The following ADGRD1 variants were observed in gnomAD, a reference collection of about 807,000 sequenced individuals.
ADGRD1 encodes G-protein coupled receptor 133.
ADGRD1 carries 77 observed loss-of-function variants against 113.4 expected under a neutral mutation model. The ratio of observed to expected loss-of-function variants is 0.68; its 90% CI spans 0.57 to 0.82. The LOEUF (loss-of-function observed/expected upper bound fraction) is 0.82. Among genes scored for constraint, ADGRD1 ranks in the 40% least tolerant of loss-of-function variants. The probability of loss-of-function intolerance (pLI) is 0.00; values close to 1 mark genes in which losing one functional copy is unlikely to be tolerated. For synonymous variants in ADGRD1, 474 were observed against 475.0 expected, an observed-to-expected ratio of 1.00 and a Z score of 0.03; for missense variants, 1,036 against 1,139.1, an observed-to-expected ratio of 0.91 and a Z score of 1.30.
At position 131,004,181 on chromosome 12, in the gene ADGRD1, C is replaced by G. The variant is rs768437407; in HGVS notation, c.1145-5C>G. 1 of 1,594,918 alleles carries G rather than the reference C, an allele frequency of 6.3e-7. No homozygotes were observed. Among genetic ancestry groups the G allele is most frequent in the Non-Finnish European group, 8.6e-7 (1 of 1,162,686 alleles). ...ACTTCCGCTCTCTCGCTCCTTCCAC[C>G]GCAGAGTTTTCCGTGGCCAAAATCC... is the stretch of plus-strand genomic sequence containing the variant. On this transcript the variant is annotated splice_region_variant and splice_polypyrimidine_tract_variant and intron_variant, in intron 10 of 24. Transcript: ENST00000261654.
chr12:130,995,208 A>G (rs1452801501), intron 8 of ADGRD1, among the ~76,000 whole-genome samples: 2 of 152,140 alleles, frequency 1.3e-5, no homozygotes, highest in Non-Finnish European at 1.5e-5. Flanking sequence ...ACTTGGGGCC[A>G]AGGCCAGACA....
chr12:131,003,431 A>G lies in ADGRD1; in HGVS notation c.1144+129A>G. ...CTCCCTGACTGCTCTGCCTGGCACA[A>G]ACCACATTTGGAAGGAAAACCCGTG... On this transcript the variant is annotated intron_variant, in intron 10 of 24. Transcript: ENST00000261654. The surrounding 1 kb of genome is among the most constrained non-coding windows in gnomAD (Gnocchi z 4.8). The G allele has an allele frequency of 2.8e-6, 2 of 707,190 alleles. No individual in the cohort carries two copies. The highest frequency in any genetic ancestry group is 2.5e-5 in the East Asian group (1 of 39,618). 43.8% of individuals were successfully genotyped at this position (707,190 alleles called of 1,614,324 possible).
intron 13 of ADGRD1, among the ~76,000 whole-genome samples, chr12:131,061,155 C>T (rs557240985): frequency 9.7e-4 from 147 of 152,306 alleles, no homozygotes; most frequent in African/African-American, 3.2e-3. Flanking sequence ...TCAGGAGCCC[C>T]GCCCAGCCTC....
In ADGRD1 at chr12:130,999,312, C is replaced by T. The variant is rs565179736; in HGVS notation, c.967-1071C>T. Among the ~76,000 whole-genome samples, 33 of 152,368 alleles carry T rather than the reference C, an allele frequency of 2.2e-4. No homozygotes were observed. The South Asian group carries it at 6.6e-3, about 31-fold the overall frequency. On this transcript the variant is annotated intron_variant, in intron 8 of 24. Transcript: ENST00000261654. ...AGTGTTTGTGACACAGGGCGTGACC[C>T]ATGAGGCCTGACCTCGTTCCTGTGT...
At chr12:131,014,096 G>A (rs1878260574) in intron 12 of ADGRD1, 103 bp from the exon 13 acceptor site, 44 of 1,128,534 alleles carry the variant, frequency 3.9e-5, no homozygotes, top group Non-Finnish European at 4.9e-5. Context: ...GAAGATTTCC[G>A]TCTCAATAGT....
intron 3 of ADGRD1, chr12:130,969,426 C>G (rs1871362619): frequency 4.7e-6 from 1 of 213,776 alleles, no homozygotes; most frequent in African/African-American, 2.3e-5. Flanking sequence ...CGCCCGAGCT[C>G]CACCTCCTGT....
chr12:131,134,511 C>T (rs961072915), intron 21 of ADGRD1, among the ~76,000 whole-genome samples: 5 of 152,214 alleles, frequency 3.3e-5, no homozygotes, highest in African/African-American at 4.8e-5. Flanking sequence ...TACGGTTTCC[C>T]GGGACCTAAA....
intron 13 of ADGRD1, among the ~76,000 whole-genome samples, chr12:131,047,383 C>G (rs1351014972): frequency 6.6e-6 from 1 of 152,194 alleles, no homozygotes; most frequent in Non-Finnish European, 1.5e-5. Context: ...AATGGGGGGA[C>G]AGCTCTGAAG....
chr12:131,136,244 C>A, intron 22 of ADGRD1, 81 bp downstream of exon 22: 1 of 1,544,772 alleles, frequency 6.5e-7, no homozygotes, highest in Non-Finnish European at 8.8e-7. Flanking sequence ...GCTGCAGGGG[C>A]AGGAGGGAGG....
intron 18 of ADGRD1, among the ~76,000 whole-genome samples, chr12:131,112,611 C>T (rs1950370800): frequency 6.6e-6 from 1 of 152,228 alleles, no homozygotes; most frequent in Non-Finnish European, 1.5e-5. Flanking sequence ...TGAACTTCTC[C>T]ACTCTGCTTT....
At chr12:131,131,037 G>T (rs1263736310) in intron 20 of ADGRD1, among the ~76,000 whole-genome samples, 1 of 152,168 alleles carries the variant, frequency 6.6e-6, no homozygotes, top group Non-Finnish European at 1.5e-5. Context: ...CCCTAACCCC[G>T]CAGCCAGAGG....
chr12:131,063,530 T>G (rs1286820764), intron 13 of ADGRD1, among the ~76,000 whole-genome samples: 9 of 152,240 alleles, frequency 5.9e-5, no homozygotes, highest in African/African-American at 2.2e-4. Flanking sequence ...AAACTCTCCT[T>G]CCTTCATTGA....
chr12:131,130,290 C>G (rs538204859), intron 20 of ADGRD1, among the ~76,000 whole-genome samples: 1 of 152,188 alleles, frequency 6.6e-6, no homozygotes, highest in Admixed American at 6.5e-5. Context: ...AAGGTGCATC[C>G]GACTGTCAGC....
intron 15 of ADGRD1, among the ~76,000 whole-genome samples, chr12:131,090,153 G>T (rs568699986): frequency 3.9e-5 from 6 of 152,274 alleles, no homozygotes; most frequent in African/African-American, 1.4e-4. Flanking sequence ...GGGTGTCTTC[G>T]TGGGAGCAAA....
chr12:131,015,942 C>T (rs1385907117), intron 13 of ADGRD1, among the ~76,000 whole-genome samples: 1 of 152,254 alleles, frequency 6.6e-6, no homozygotes, highest in Non-Finnish European at 1.5e-5. Flanking sequence ...AGAATTTACA[C>T]TCTGGGCCTG....
At chr12:131,067,371 C>T (rs1884804864) in intron 13 of ADGRD1, among the ~76,000 whole-genome samples, 1 of 152,218 alleles carries the variant, frequency 6.6e-6, no homozygotes, top group South Asian at 2.1e-4. Context: ...TGAGAAAGAA[C>T]TGGAGAAAGA....
intron 15 of ADGRD1, among the ~76,000 whole-genome samples, chr12:131,094,158 C>A (rs563719972): frequency 6.6e-6 from 1 of 151,926 alleles, no homozygotes; most frequent in Non-Finnish European, 1.5e-5. Context: ...AGTACACAGC[C>A]TCAGTACCCA....
At chr12:131,116,284 C>T (rs897612552) in intron 18 of ADGRD1, among the ~76,000 whole-genome samples, 1 of 152,202 alleles carries the variant, frequency 6.6e-6, no homozygotes, top group East Asian at 1.9e-4. Context: ...GACAAAGGCC[C>T]ACAGTCACTG....
At chr12:130,997,648 C>T (rs1351439765) in intron 8 of ADGRD1, among the ~76,000 whole-genome samples, 1 of 151,870 alleles carries the variant, frequency 6.6e-6, no homozygotes, top group Middle Eastern at 3.4e-3. Context: ...GATGGGATGG[C>T]GGCCGGGAAG....
Sources: gnomAD v4.1 joint callset for allele counts (sites outside exome capture counted in the v4.1 genomes callset) on GRCh38, gnomAD v4.1.1 for gene constraint, Gnocchi (gnomAD v3.1) non-coding constraint, MANE v1.5 for transcripts, NCBI Gene and HGNC (gene_info 2026-07-23, HGNC 2026-07-21) for gene names.